STXBP4: variants seen among roughly 807,000 people sequenced by gnomAD.
The protein encoded by STXBP4 is syntaxin-binding protein 4.
Under a neutral mutation model 76.1 loss-of-function variants are expected in STXBP4, and 55 were observed. The ratio of observed to expected loss-of-function variants is 0.72; its 90% CI spans 0.58 to 0.91. STXBP4 has a LOEUF of 0.91. Among genes scored for constraint, STXBP4 ranks in the 40% least tolerant of loss-of-function variants. STXBP4 has a pLI of 0.00. For synonymous variants in STXBP4, 201 were observed against 220.2 expected, an observed-to-expected ratio of 0.91 and a Z score of 0.77; for missense variants, 618 against 636.9, an observed-to-expected ratio of 0.97 and a Z score of 0.32.
At chr17:55,147,406 CG>C (rs979814372) in intron 17 of STXBP4, among the ~76,000 whole-genome samples, 2 of 152,172 alleles carry the variant, frequency 1.3e-5, no homozygotes, top group African/African-American at 4.8e-5. Flanking sequence ...CTCGCTTGCC[CG>C]GAACTCACCT....
chr17:55,126,994 A>G (rs957110374), intron 16 of STXBP4, among the ~76,000 whole-genome samples: 1 of 152,184 alleles, frequency 6.6e-6, no homozygotes, highest in African/African-American at 2.4e-5. Flanking sequence ...CCTGCTTTTT[A>G]AAATTGAGAT....
chr17:55,182,677 A>G, the STXBP4 span, among the ~76,000 whole-genome samples: 1 of 152,090 alleles, frequency 6.6e-6, no homozygotes, highest in Non-Finnish European at 1.5e-5. Context: ...TAAAACTTCT[A>G]ATAAACAAAG....
intron 17 of STXBP4, among the ~76,000 whole-genome samples, chr17:55,155,197 A>G (rs545772960): frequency 1.3e-5 from 2 of 152,268 alleles, no homozygotes; most frequent in East Asian, 3.9e-4. Context: ...GATACTTCCT[A>G]TTACTAATCT....
At position 55,026,135 on chromosome 17, in the gene STXBP4, C is replaced by T. The variant is rs550922379; in HGVS notation, c.667-5033C>T. ...AAGAAGACCTAAATAAATGGAAAGA[C>T]GTGTTGTGCTGATGAATCTATGAGC... On this transcript the variant is annotated intron_variant, in intron 8 of 17. Transcript: ENST00000376352. 3.3e-5 allele frequency among the ~76,000 whole-genome samples: 5 copies of T among 152,180 alleles called. No individual in the cohort carries two copies. The East Asian group carries it at 7.7e-4, about 24-fold the overall frequency.
chr17:55,081,112 G>A lies in STXBP4; in HGVS notation c.1418G>A (p.Ser473Asn). Residue 473 changes from serine (S) to asparagine (N), a missense_variant, in exon 16 of 18, where the codon AGC (serine) becomes AAC (asparagine). By Grantham distance (46) the Ser-to-Asn change is conservative. Coordinates refer to ENST00000376352, the MANE Select transcript of STXBP4 (RefSeq NM_178509.6). Reference protein sequence around the residue: ...SLTPLGRNGRSIPATLALESK... With the variant: ...SLTPLGRNGRNIPATLALESK... ...ACACCACTGGGAAGGAATGGACGTA[G>A]CATCCCAGCAACGCTGGCGCTTGAA... is the stretch of plus-strand genomic sequence containing the variant. 1 of 1,558,058 alleles carries A rather than the reference G, an allele frequency of 6.4e-7. No individual in the cohort carries two copies. The highest frequency in any genetic ancestry group is 8.6e-7 in the Non-Finnish European group (1 of 1,156,212).
chr17:55,200,888 G>A, the STXBP4 span, among the ~76,000 whole-genome samples: 6 of 152,312 alleles, frequency 3.9e-5, no homozygotes, highest in East Asian at 1.2e-3. Flanking sequence ...CAAAGACAAT[G>A]GAAGAGGTGA....
the STXBP4 span, among the ~76,000 whole-genome samples, chr17:55,180,650 G>A: frequency 5.9e-5 from 9 of 152,210 alleles, no homozygotes; most frequent in Non-Finnish European, 8.8e-5. Flanking sequence ...AATCAGAATT[G>A]AAAGGCTGGT....
intron 16 of STXBP4, among the ~76,000 whole-genome samples, chr17:55,084,005 A>G (rs956755955): frequency 2.6e-5 from 4 of 152,216 alleles, no homozygotes; most frequent in Non-Finnish European, 5.9e-5. Flanking sequence ...TATGTGATAC[A>G]TTACTGGGTC....
rs1012635984 is a variant in STXBP4 at position 55,021,369 on chromosome 17, T to A, written c.667-9799T>A. On this transcript the variant is annotated intron_variant, in intron 8 of 17. Coordinates refer to ENST00000376352, the MANE Select transcript of STXBP4 (RefSeq NM_178509.6). ...AGATCCCATATCTCAAAAATTTTTT[T>A]AAAAATTAGCCAGTTGTGGTGGTGG... Among the ~76,000 whole-genome samples, 4 of 152,088 alleles carry A rather than the reference T, an allele frequency of 2.6e-5. 1 individual carries two copies. Among genetic ancestry groups the A allele is most frequent in the South Asian group, 2.1e-4 (1 of 4,816 alleles).
chr17:55,053,704 A>G (rs971075500), intron 12 of STXBP4, among the ~76,000 whole-genome samples: 2 of 152,106 alleles, frequency 1.3e-5, no homozygotes, highest in East Asian at 3.8e-4. Context: ...ACTTTAATTG[A>G]TATGACTTTT....
chr17:55,031,274 G>A lies in STXBP4; in HGVS notation c.763+10G>A. 1 of 1,585,468 alleles carries A rather than the reference G, an allele frequency of 6.3e-7. No individual in the cohort carries two copies. The highest frequency in any genetic ancestry group is 1.1e-5 in the South Asian group (1 of 90,130). On this transcript the variant is annotated intron_variant, in intron 9 of 17. Transcript: ENST00000376352. ...ACAGTGTCTTTTGGAGGTAATATTA[G>A]GTTTATTGTGTTGTATTATCACTGA...
At chr17:55,158,840 A>G (rs1252432370) in intron 17 of STXBP4, among the ~76,000 whole-genome samples, 1 of 152,248 alleles carries the variant, frequency 6.6e-6, no homozygotes, top group African/African-American at 2.4e-5. Flanking sequence ...TTATAATTTG[A>G]TTTAATAAGA....
chr17:55,134,540 T>C (rs1033048055), intron 16 of STXBP4, among the ~76,000 whole-genome samples: 5 of 152,110 alleles, frequency 3.3e-5, no homozygotes, highest in African/African-American at 1.2e-4. Flanking sequence ...GAGAAATTGA[T>C]GTATGGGGTG....
chr17:55,009,482 T>C (rs2078067698), intron 8 of STXBP4, among the ~76,000 whole-genome samples: 1 of 152,174 alleles, frequency 6.6e-6, no homozygotes, highest in South Asian at 2.1e-4. Context: ...TTCTAGCACA[T>C]GATATTATTT....
intron 4 of STXBP4, among the ~76,000 whole-genome samples, chr17:54,993,457 G>A (rs1376366513): frequency 1.3e-5 from 2 of 150,392 alleles, no homozygotes; most frequent in Non-Finnish European, 2.9e-5. Flanking sequence ...CTCCAGCCTG[G>A]GCAACAGAGC....
At chr17:54,971,733 T>C (rs2077403421) in intron 1 of STXBP4, among the ~76,000 whole-genome samples, 1 of 152,204 alleles carries the variant, frequency 6.6e-6, no homozygotes, top group African/African-American at 2.4e-5. Context: ...GCCTCTTCAG[T>C]CTTCTTCAAT....
At chr17:55,178,024 T>C (rs1464970123), downstream of STXBP4, among the ~76,000 whole-genome samples, 2 of 152,224 alleles carry the variant, frequency 1.3e-5, no homozygotes, top group East Asian at 3.8e-4. Flanking sequence ...GAATTTTAAA[T>C]GTCACAGTAA....
chr17:55,023,515 T>C (rs989035628), intron 8 of STXBP4, among the ~76,000 whole-genome samples: 2 of 152,166 alleles, frequency 1.3e-5, no homozygotes, highest in Admixed American at 6.5e-5. Context: ...AAAGCAAAGG[T>C]GTGGACTCAG....
intron 4 of STXBP4, among the ~76,000 whole-genome samples, chr17:54,998,462 A>G (rs954475408): frequency 6.6e-6 from 1 of 152,250 alleles, no homozygotes; most frequent in African/African-American, 2.4e-5. Flanking sequence ...CTTATCTAAC[A>G]TATCTAACAA....
Sources: gnomAD v4.1 joint callset for allele counts (sites outside exome capture counted in the v4.1 genomes callset) on GRCh38, gnomAD v4.1.1 for gene constraint, MANE v1.5 for transcripts, NCBI Gene and HGNC (gene_info 2026-07-23, HGNC 2026-07-21) for gene names.